PDE8A: variants seen among roughly 807,000 people sequenced by gnomAD.
PDE8A encodes the protein high affinity cAMP-specific and IBMX-insensitive 3',5'-cyclic phosphodiesterase 8A.
Under a neutral mutation model 105.0 loss-of-function variants are expected in PDE8A, and 59 were observed. The observed-to-expected ratio is 0.56, with a 90% CI of 0.46 to 0.70. The LOEUF is 0.70. PDE8A is among the 30% of genes least tolerant of loss of function. The probability of loss-of-function intolerance (pLI) is 0.00; values close to 1 mark genes in which losing one functional copy is unlikely to be tolerated. For missense variants in PDE8A, 1,014 were observed against 1,045.9 expected (o/e 0.97, Z 0.42); for synonymous variants, 355 against 371.9 (o/e 0.95, Z 0.52).
intron 1 of PDE8A, among the ~76,000 whole-genome samples, chr15:85,056,859 G>A (rs932340834): frequency 4.6e-5 from 7 of 152,174 alleles, no homozygotes; most frequent in Non-Finnish European, 5.9e-5. Context: ...CATTGCTGGC[G>A]AGGAGCTGCG....
intron 2 of PDE8A, among the ~76,000 whole-genome samples, chr15:85,064,671 A>G (rs925371065): frequency 2.0e-5 from 3 of 152,182 alleles, no homozygotes; most frequent in Non-Finnish European, 2.9e-5. Context: ...GTTCAGCAAT[A>G]GGTCAGGCAC....
intron 11 of PDE8A, among the ~76,000 whole-genome samples, chr15:85,106,010 C>T (rs1433080276): frequency 2.0e-5 from 3 of 152,164 alleles, no homozygotes. Context: ...GCTACAGGGA[C>T]TAGGGGAGCA....
intron 1 of PDE8A, among the ~76,000 whole-genome samples, chr15:85,010,937 G>A (rs780903563): frequency 6.6e-6 from 1 of 151,982 alleles, no homozygotes; most frequent in Non-Finnish European, 1.5e-5. Flanking sequence ...CATTTGTTCT[G>A]GCTTTTCTCA....
rs1384101404 is a variant in PDE8A at position 85,066,789 on chromosome 15, A to G, written c.244-225A>G. Among the ~76,000 whole-genome samples the G allele has an allele frequency of 2.0e-5, 3 of 152,134 alleles. No individual in the cohort carries two copies. The East Asian group carries it at 5.8e-4, about 29-fold the overall frequency. ...CCCCGTCTCTACTAAAAATACAAAA[A>G]TTAGCTGGGCATGGTGGCATGTGCC... On this transcript the variant is annotated intron_variant, in intron 2 of 21. Transcript: ENST00000394553.
chr15:85,099,377 C>T (rs748572252), intron 9 of PDE8A, among the ~76,000 whole-genome samples: 2 of 152,248 alleles, frequency 1.3e-5, no homozygotes, highest in African/African-American at 2.4e-5. Context: ...AGTTGGTGAT[C>T]GCCTCAGGGA....
At chr15:85,037,506 T>C (rs2080727949) in intron 1 of PDE8A, among the ~76,000 whole-genome samples, 1 of 152,268 alleles carries the variant, frequency 6.6e-6, no homozygotes, top group African/African-American at 2.4e-5. Flanking sequence ...ATTTGAACTT[T>C]ATTTAAATTG....
intron 20 of PDE8A, among the ~76,000 whole-genome samples, chr15:85,135,860 T>C (rs2082401027): frequency 1.3e-5 from 2 of 152,032 alleles, no homozygotes; most frequent in South Asian, 2.1e-4. Flanking sequence ...TACTCAGAGC[T>C]CTTTTTTTTT....
Position 85,137,832 on chromosome 15 carries a change from G to A in PDE8A, c.2419G>A (p.Asp807Asn). 1 of 1,613,570 alleles carries A rather than the reference G, an allele frequency of 6.2e-7. No homozygotes were observed. Among genetic ancestry groups the A allele is most frequent in the South Asian group, 1.1e-5 (1 of 91,048 alleles). The part of the protein sequence containing the change: ...VDLPDLMQHL[D>N]NNFKYWKGLD... Reference sequence around the variant, plus strand: ...CCTGCCTGATTTAATGCAGCATCTTGACAACAACTTTAAATACTGGAAAGG... The same window carrying A: ...CCTGCCTGATTTAATGCAGCATCTTAACAACAACTTTAAATACTGGAAAGG... Residue 807 changes from aspartate to asparagine, a missense_variant, in exon 22 of 22, where the codon GAC becomes AAC. Asp to Asn is a conservative substitution (Grantham distance 23). Transcript: ENST00000394553.
At chr15:85,066,539 A>G (rs12912134) in intron 2 of PDE8A, among the ~76,000 whole-genome samples, 68,575 of 149,218 alleles carry the variant, frequency 0.46, 15,867 homozygotes, top group Middle Eastern at 0.56. Flanking sequence ...ACACCAGCCC[A>G]TGCAACAGAG....
intron 3 of PDE8A, among the ~76,000 whole-genome samples, chr15:85,068,229 G>A (rs534549149): frequency 3.1e-4 from 47 of 152,056 alleles, no homozygotes; most frequent in African/African-American, 1.1e-3. Context: ...TAATAGAGAC[G>A]GTGTTTGACC....
chr15:85,092,074 G>A (rs2081653455), intron 8 of PDE8A, among the ~76,000 whole-genome samples: 1 of 152,034 alleles, frequency 6.6e-6, no homozygotes, highest in Non-Finnish European at 1.5e-5. Context: ...GCACAAAACA[G>A]CAGCTTACCA....
intron 5 of PDE8A, among the ~76,000 whole-genome samples, chr15:85,083,085 C>G (rs2081492828): frequency 6.6e-6 from 1 of 152,232 alleles, no homozygotes; most frequent in African/African-American, 2.4e-5. Context: ...TTGGGGTTCC[C>G]CCTGTGAAAT....
chr15:85,137,027 A>G (rs1315006062), intron 21 of PDE8A, among the ~76,000 whole-genome samples: 1 of 152,154 alleles, frequency 6.6e-6, no homozygotes, highest in African/African-American at 2.4e-5. Context: ...ACACAAGACC[A>G]GAAGGACTGG....
At chr15:85,031,851 T>C (rs1343785790) in intron 1 of PDE8A, among the ~76,000 whole-genome samples, 1 of 152,218 alleles carries the variant, frequency 6.6e-6, no homozygotes, top group East Asian at 1.9e-4. Flanking sequence ...TTCCTGTGTC[T>C]GACTGCTTAT....
Position 85,102,926 on chromosome 15 carries a change from GA to G in PDE8A, c.1036+2732del, listed in dbSNP as rs142035957. 7.5e-3 allele frequency among the ~76,000 whole-genome samples: 1,132 copies of G among 151,812 alleles called. 18 individuals are homozygous for G. The highest frequency in any genetic ancestry group is 0.026 in the African/African-American group (1,067 of 41,378). On this transcript the variant is annotated intron_variant, in intron 11 of 21. Transcript: ENST00000394553. ...TTACAGAGGAAGAAACTGAGGCTCA[GA>G]AAAGTTCAATGAGCCAGGTGTGGTG... is the stretch of plus-strand genomic sequence containing the variant.
At chr15:85,123,609 T>G (rs1010920300) in intron 19 of PDE8A, among the ~76,000 whole-genome samples, 11 of 152,130 alleles carry the variant, frequency 7.2e-5, no homozygotes, top group Non-Finnish European at 1.0e-4. Context: ...TGATGGCAAT[T>G]GATTTGATTG....
At chr15:85,015,621 A>T (rs1379625431) in intron 1 of PDE8A, among the ~76,000 whole-genome samples, 1 of 152,216 alleles carries the variant, frequency 6.6e-6, no homozygotes, top group East Asian at 1.9e-4. Flanking sequence ...ATATTTTGTG[A>T]TATCTCACTA....
intron 5 of PDE8A, among the ~76,000 whole-genome samples, chr15:85,079,288 G>A (rs902906877): frequency 6.6e-6 from 1 of 152,160 alleles, no homozygotes; most frequent in Non-Finnish European, 1.5e-5. Flanking sequence ...TAAGGTTTGT[G>A]GGGAGGATGC....
chr15:85,087,627 A>G (rs958781458), intron 6 of PDE8A, among the ~76,000 whole-genome samples: 8 of 152,196 alleles, frequency 5.3e-5, no homozygotes. Flanking sequence ...TTATACAAGG[A>G]AAAAACCTGG....
Sources: gnomAD v4.1 joint callset for allele counts (sites outside exome capture counted in the v4.1 genomes callset) on GRCh38, gnomAD v4.1.1 for gene constraint, MANE v1.5 for transcripts, NCBI Gene and HGNC (gene_info 2026-07-23, HGNC 2026-07-21) for gene names.